Variants in NFS1 observed in about 807,000 individuals in gnomAD.
NFS1 encodes the protein cysteine desulfurase.
A neutral mutation model predicts 57.3 loss-of-function variants in NFS1; 26 were observed. The ratio of observed to expected loss-of-function variants is 0.45; its 90% CI spans 0.33 to 0.63. NFS1 has a LOEUF of 0.63. NFS1 is among the 20% of genes least tolerant of loss of function. The pLI is 0.02. For missense variants in NFS1, 505 were observed against 605.8 expected (o/e 0.83, Z 1.75); for synonymous variants, 209 against 216.3 (o/e 0.97, Z 0.30).
Position 35,699,274 on chromosome 20 carries a change from G to A in NFS1, c.15C>T (p.Ala5=), listed in dbSNP as rs1199310618. MLLR[A]AWRRAAVAVT... Reference sequence around the variant, plus strand: ...CCGCCACTGCCGCCCGCCTCCAAGCGGCTCGGAGCAGCATGGTCCCGCTGG... The same window carrying A: ...CCGCCACTGCCGCCCGCCTCCAAGCAGCTCGGAGCAGCATGGTCCCGCTGG... Residue 5 remains alanine, a synonymous_variant, in exon 1 of 13, where the codon GCC becomes GCT. Coordinates refer to ENST00000374092, the MANE Select transcript of NFS1 (RefSeq NM_021100.5). The surrounding 1 kb of genome is among the most constrained non-coding windows in gnomAD (Gnocchi z 4.4). 2.8e-6 allele frequency: 4 copies of A among 1,414,814 alleles called. No homozygotes were observed. The highest frequency in any genetic ancestry group is 3.2e-5 in the Admixed American group (1 of 31,462). 87.6% of individuals were successfully genotyped at this position (1,414,814 alleles called of 1,614,324 possible). A position where few individuals can be genotyped will look rare whatever the true frequency, so the allele number is the denominator to read the frequency against.
At position 35,696,362 on chromosome 20, in the gene NFS1, G is replaced by C. The variant is rs1218212006; in HGVS notation, c.408+15C>G. The C allele has an allele frequency of 2.5e-6, 4 of 1,586,280 alleles. No individual in the cohort carries two copies. Among genetic ancestry groups the C allele is most frequent in the Non-Finnish European group, 3.5e-6 (4 of 1,154,658 alleles). On this transcript the variant is annotated intron_variant, in intron 4 of 12. Transcript: ENST00000374092. ...CAGGAAAGCCCACATACACCCTCTG[G>C]TTCCCTTCTCTTACCTTAATTGCTA...
chr20:35,692,078 C>T (rs1314540735), intron 4 of NFS1, among the ~76,000 whole-genome samples: 1 of 151,922 alleles, frequency 6.6e-6, no homozygotes, highest in South Asian at 2.1e-4. Flanking sequence ...CCCAGATACT[C>T]TGGAGGCTGA....
Position 35,699,171 on chromosome 20 carries a change from G to A in NFS1, c.97+21C>T, listed in dbSNP as rs779464686. 1.5e-4 allele frequency: 209 copies of A among 1,389,940 alleles called. 1 individual carries two copies. Among genetic ancestry groups the A allele is most frequent in the Non-Finnish European group, 9.2e-5 (100 of 1,081,536 alleles). 86.1% of individuals were successfully genotyped at this position (1,389,940 alleles called of 1,614,324 possible). On this transcript the variant is annotated intron_variant, in intron 1 of 12. Coordinates refer to ENST00000374092, the MANE Select transcript of NFS1 (RefSeq NM_021100.5). This position sits in a 1 kb window ranked among gnomAD's most constrained non-coding sequence, Gnocchi z 4.4. The stretch of plus-strand genomic sequence containing the variant: ...GGAGGGGACAGGTCCGCGCCTCCCG[G>A]AGAGCGGGACCCGAGCGTACCGCGC...
At chr20:35,670,041 T>C (rs1023902462) in intron 12 of NFS1, among the ~76,000 whole-genome samples, 1 of 152,250 alleles carries the variant, frequency 6.6e-6, no homozygotes, top group Admixed American at 6.5e-5. Context: ...ACCAAGACCC[T>C]TGAGACTTGT....
At position 35,690,498 on chromosome 20, in the gene NFS1, A is replaced by G; in HGVS notation, c.476T>C (p.Val159Ala). 1 of 1,613,890 alleles carries G rather than the reference A, an allele frequency of 6.2e-7. No homozygotes were observed. The highest frequency in any genetic ancestry group is 2.2e-5 in the East Asian group (1 of 44,870). The change falls in exon 5 of 13, where the codon GTC becomes GCC. Residue 159 changes from valine (V) to alanine (A), a missense_variant. Physicochemically the swap from Val to Ala is moderately conservative, Grantham distance 64 (BLOSUM62 0). Transcript: ENST00000374092. Reference sequence around the variant, plus strand: ...TTCCAGTGAACGGCAGGAGTCCAAGACACATTTGTGTTCTGTCTGGGTGGT... The same window carrying G: ...TTCCAGTGAACGGCAGGAGTCCAAGGCACATTTGTGTTCTGTCTGGGTGGT... Reference protein sequence around the residue: ...LITTQTEHKCVLDSCRSLEAE... With the variant: ...LITTQTEHKCALDSCRSLEAE...
chr20:35,699,185 A>G lies in NFS1; in HGVS notation c.97+7T>C. 7.1e-7 allele frequency: 1 copy of G among 1,402,132 alleles called. No homozygotes were observed. The highest frequency in any genetic ancestry group is 9.2e-7 in the Non-Finnish European group (1 of 1,088,246). The allele number at this position is 1,402,132 out of a possible 1,614,324, so 86.9% of individuals were successfully genotyped here. ...CGCGCCTCCCGGAGAGCGGGACCCG[A>G]GCGTACCGCGCAGGCGCAGCCCCCG... On this transcript the variant is annotated splice_region_variant and intron_variant, in intron 1 of 12. Transcript: ENST00000374092. The surrounding 1 kb of genome is among the most constrained non-coding windows in gnomAD (Gnocchi z 4.4).
chr20:35,698,459 T>G lies in NFS1; in HGVS notation c.207+22A>C, dbSNP rs760618233. On this transcript the variant is annotated intron_variant, in intron 2 of 12. Coordinates refer to ENST00000374092, the MANE Select transcript of NFS1 (RefSeq NM_021100.5). ...CATCATTTACTTCCTATAAGCAGCC[T>G]TGGGAAAAGCTTCATCCTTACCAGA... The G allele has an allele frequency of 3.2e-6, 5 of 1,551,538 alleles. No individual in the cohort carries two copies. The East Asian group carries it at 1.1e-4, about 35-fold the overall frequency.
chr20:35,673,672 A>C lies in NFS1; in HGVS notation c.1149T>G (p.Ser383=), dbSNP rs1484232109. 2 of 1,613,810 alleles carry C rather than the reference A, an allele frequency of 1.2e-6. No homozygotes were observed. Among genetic ancestry groups the C allele is most frequent in the Non-Finnish European group, 1.7e-6 (2 of 1,179,818 alleles). ...GCACATAAGAGGGCTCCAGGGATGC[A>C]GAGGTGCAGGCACTGAGGAGAGAGA... ...VALSSGSACT[S]ASLEPSYVLR... The change falls in exon 11 of 13, where the codon TCT becomes TCG. Residue 383 remains serine, a synonymous_variant. Coordinates refer to ENST00000374092, the MANE Select transcript of NFS1 (RefSeq NM_021100.5).
chr20:35,680,613 A>T, intron 7 of NFS1, 124 bp downstream of exon 7: 1 of 806,318 alleles, frequency 1.2e-6, no homozygotes. Context: ...TTTGCATTCT[A>T]CAAGGGACTC....
chr20:35,670,460 C>T (rs1396616521), intron 12 of NFS1, among the ~76,000 whole-genome samples: 4 of 152,180 alleles, frequency 2.6e-5, no homozygotes, highest in Non-Finnish European at 5.9e-5. Flanking sequence ...TAGATTTCAC[C>T]AGGTAATTTT....
Position 35,699,129 on chromosome 20 carries a change from C to T in NFS1, c.97+63G>A. On this transcript the variant is annotated intron_variant, in intron 1 of 12. Coordinates refer to ENST00000374092, the MANE Select transcript of NFS1 (RefSeq NM_021100.5). The surrounding 1 kb of genome is among the most constrained non-coding windows in gnomAD (Gnocchi z 4.4). ...GTGGACAGGAAGGCTCCGGAATATTCAGTTGCGTCGCCGCGCGGAGGGGAC... is the reference window on the plus strand; with the variant it reads ...GTGGACAGGAAGGCTCCGGAATATTTAGTTGCGTCGCCGCGCGGAGGGGAC... 7.3e-7 allele frequency: 1 copy of T among 1,363,492 alleles called. No individual in the cohort carries two copies. Among genetic ancestry groups the T allele is most frequent in the South Asian group, 1.8e-5 (1 of 56,570 alleles). 84.5% of individuals were successfully genotyped at this position (1,363,492 alleles called of 1,614,324 possible).
chr20:35,677,618 A>G (rs550141622), intron 7 of NFS1, among the ~76,000 whole-genome samples: 26 of 152,338 alleles, frequency 1.7e-4, no homozygotes, highest in Non-Finnish European at 3.4e-4. Context: ...CCAAAATATG[A>G]GCATGAGCAT....
In NFS1 at chr20:35,669,587, G is replaced by A. The variant is rs1381436007; in HGVS notation, c.*35C>T. Reference sequence around the variant, plus strand: ...TGTGCACGGGTTGGTGAGGCAGGAGGGGCCAGACCAGCACAAAGTCAGGGC... The same window carrying A: ...TGTGCACGGGTTGGTGAGGCAGGAGAGGCCAGACCAGCACAAAGTCAGGGC... On this transcript the variant is annotated 3_prime_UTR_variant, in exon 13 of 13. Transcript: ENST00000374092. 2 of 1,604,842 alleles carry A rather than the reference G, an allele frequency of 1.2e-6. No individual in the cohort carries two copies. Among genetic ancestry groups the A allele is most frequent in the Non-Finnish European group, 1.7e-6 (2 of 1,171,794 alleles).
In NFS1 at chr20:35,676,779, A is replaced by AC. The variant is rs2034756567; in HGVS notation, c.791-1578_791-1577insG. On this transcript the variant is annotated intron_variant, in intron 7 of 12. Transcript: ENST00000374092. Reference sequence around the variant, plus strand: ...ATCAGAAAAAAAAAAAAAAAAAAAAAAAAAAACCAAGAAAGAAATTACCTC... The same window carrying AC: ...ATCAGAAAAAAAAAAAAAAAAAAAAACAAAAAACCAAGAAAGAAATTACCTC... Among the ~76,000 whole-genome samples the AC allele has an allele frequency of 1.3e-4, 20 of 148,522 alleles. No individual in the cohort carries two copies. In the South Asian group the frequency reaches 4.3e-3, roughly 32 times the overall value.
chr20:35,692,526 CTAAAAAAAAAA>C (rs1299092749), intron 4 of NFS1, among the ~76,000 whole-genome samples: 1 of 60,398 alleles, frequency 1.7e-5, no homozygotes, highest in African/African-American at 7.7e-5. Context: ...ATCATCTATA[CTAAAAAAAAAA>C]AAAAAAAAAA....
Position 35,690,569 on chromosome 20 carries a change from G to C in NFS1, c.409-4C>G. The C allele has an allele frequency of 9.9e-6, 16 of 1,613,732 alleles. No individual in the cohort carries two copies. Among genetic ancestry groups the C allele is most frequent in the Non-Finnish European group, 1.3e-5 (15 of 1,179,846 alleles). The stretch of plus-strand genomic sequence containing the variant: ...ACCTGTAGAATCGGGCCACCCCCTA[G>C]AAATTGGTGGTGACAGATGGAAGGA... On this transcript the variant is annotated splice_region_variant and splice_polypyrimidine_tract_variant and intron_variant, in intron 4 of 12. Coordinates refer to ENST00000374092, the MANE Select transcript of NFS1 (RefSeq NM_021100.5).
chr20:35,684,037 C>T (rs1033546680), intron 5 of NFS1, among the ~76,000 whole-genome samples: 3 of 151,322 alleles, frequency 2.0e-5, no homozygotes, highest in Admixed American at 6.6e-5. Flanking sequence ...TGCTTGACCT[C>T]GGGAGGCAGA....
At chr20:35,687,141 C>G (rs1244774531) in intron 5 of NFS1, among the ~76,000 whole-genome samples, 1 of 152,146 alleles carries the variant, frequency 6.6e-6, no homozygotes, top group Non-Finnish European at 1.5e-5. Context: ...ACTTAGCAGA[C>G]CAGGAAAGGG....
intron 7 of NFS1, among the ~76,000 whole-genome samples, chr20:35,676,758 GAAAA>G (rs746820595): frequency 2.8e-4 from 5 of 18,130 alleles, no homozygotes; most frequent in East Asian, 2.5e-3. Flanking sequence ...GAGAAAATCA[GAAAA>G]AAAAAAAAAA....
Sources: allele counts gnomAD v4.1 joint callset (sites outside exome capture counted in the v4.1 genomes callset), GRCh38; gene constraint gnomAD v4.1.1; non-coding constraint Gnocchi (gnomAD v3.1); transcripts MANE v1.5; gene names NCBI Gene and HGNC (gene_info 2026-07-23, HGNC 2026-07-21).